ZNF560: variants seen among roughly 807,000 people sequenced by gnomAD.
ZNF560 encodes zinc finger protein 560.
In ZNF560, 54 loss-of-function variants were observed where a neutral mutation model predicts 81.8. The observed-to-expected ratio is 0.66, with a 90% CI of 0.53 to 0.83. ZNF560 has a LOEUF of 0.83. Ranked by LOEUF, ZNF560 falls within the 40% of genes least tolerant of loss-of-function variation. The pLI, the probability that ZNF560 is intolerant of heterozygous loss-of-function variation, is 0.00. For missense variants in ZNF560, 940 were observed against 932.4 expected (o/e 1.01, Z -0.11); for synonymous variants, 321 against 317.9 (o/e 1.01, Z -0.10).
At chr19:9,477,109 A>G (rs1461651685) in intron 2 of ZNF560, among the ~76,000 whole-genome samples, 4 of 152,304 alleles carry the variant, frequency 2.6e-5, no homozygotes, top group African/African-American at 7.2e-5. Context: ...TAGAAATAGT[A>G]TATGTTCTGT....
chr19:9,462,343 A>T (rs2112525), downstream of ZNF560, among the ~76,000 whole-genome samples: 15,495 of 152,282 alleles, frequency 0.1, 923 homozygotes, highest in South Asian at 0.2. Context: ...TGCCTTAATG[A>T]CATGCTCCTG....
intron 3 of ZNF560, 88 bp downstream of exon 3, chr19:9,475,196 G>C: frequency 7.1e-7 from 1 of 1,403,046 alleles, no homozygotes; most frequent in African/African-American, 1.4e-5. Flanking sequence ...ACTTAAAGAA[G>C]CTCTGGAGAC....
intron 2 of ZNF560, among the ~76,000 whole-genome samples, chr19:9,481,341 C>T (rs1170041195): frequency 6.6e-6 from 1 of 152,216 alleles, no homozygotes; most frequent in East Asian, 1.9e-4. Context: ...CTAGGCAATG[C>T]CATTCAGGAC....
At chr19:9,457,649 G>T in the ZNF560 span, among the ~76,000 whole-genome samples, 1 of 152,164 alleles carries the variant, frequency 6.6e-6, no homozygotes, top group Non-Finnish European at 1.5e-5. Context: ...ACGCAATTCA[G>T]ACTACTACTC....
rs764306225 is a variant in ZNF560, at chr19:9,467,745, T to C, written c.1202A>G (p.Glu401Gly). The C allele has an allele frequency of 1.2e-6, 2 of 1,614,196 alleles. No homozygotes were observed. Among genetic ancestry groups the C allele is most frequent in the South Asian group, 2.2e-5 (2 of 91,084 alleles). ...FLEHVRTHTG[E>G]KPYGCKECGK... ...ACATTCCTTACACCCATAGGGCTTC[T>C]CTCCAGTGTGAGTTCGTACATGTTC... is the stretch of plus-strand genomic sequence containing the variant. Residue 401 changes from glutamate (E) to glycine (G), a missense_variant, in exon 10 of 10, where the codon GAG becomes GGG. Glu to Gly is a moderately conservative substitution (Grantham distance 98). Transcript: ENST00000301480.
chr19:9,489,948 C>T (rs2073445318), intron 2 of ZNF560, among the ~76,000 whole-genome samples: 1 of 152,152 alleles, frequency 6.6e-6, no homozygotes, highest in Admixed American at 6.5e-5. Flanking sequence ...ACTTACTAGA[C>T]ATTTTGAATT....
chr19:9,494,906 A>C (rs1391160724), intron 2 of ZNF560, among the ~76,000 whole-genome samples: 2 of 149,924 alleles, frequency 1.3e-5, no homozygotes, highest in Non-Finnish European at 3.0e-5. Context: ...ACTCCGTCTC[A>C]AAAAAAAACA....
At chr19:9,491,004 T>C (rs1277632193) in intron 2 of ZNF560, among the ~76,000 whole-genome samples, 2 of 152,226 alleles carry the variant, frequency 1.3e-5, no homozygotes, top group Non-Finnish European at 2.9e-5. Context: ...ATTGAAAATA[T>C]TTTGTACATG....
chr19:9,466,403 G>A lies in ZNF560; in HGVS notation c.*171C>T, dbSNP rs1011161017. The A allele has an allele frequency of 5.1e-6, 3 of 588,598 alleles. No homozygotes were observed. The highest frequency in any genetic ancestry group is 3.7e-5 in the African/African-American group (2 of 53,386). 36.5% of individuals were successfully genotyped at this position (588,598 alleles called of 1,614,324 possible). ...TTCCTACATCCCTTACATTTACAGGGTTTCTCTACAGTGTGAGTTTGTACA... is the reference window on the plus strand; with the variant it reads ...TTCCTACATCCCTTACATTTACAGGATTTCTCTACAGTGTGAGTTTGTACA... On this transcript the variant is annotated 3_prime_UTR_variant, in exon 10 of 10. Transcript: ENST00000301480.
In ZNF560 at chr19:9,469,729, A is replaced by C; in HGVS notation, c.449-19T>G. The C allele has an allele frequency of 6.2e-7, 1 of 1,610,810 alleles. No homozygotes were observed. Among genetic ancestry groups the C allele is most frequent in the Non-Finnish European group, 8.5e-7 (1 of 1,177,102 alleles). ...TGGTAACCTGTACACAGGGAAAGAT[A>C]CACCAATGGAAGAGGCTCATGCAAG... On this transcript the variant is annotated intron_variant, in intron 7 of 9. Transcript: ENST00000301480.
the ZNF560 span, among the ~76,000 whole-genome samples, chr19:9,446,946 A>G: frequency 1.8e-4 from 27 of 152,152 alleles, 1 homozygote; most frequent in South Asian, 2.9e-3. Context: ...CAGCCTGGCC[A>G]ATATGGTGAA....
chr19:9,505,977 A>ACTTTCTTTCTTTCTTTCTTTCTTT, the ZNF560 span, among the ~76,000 whole-genome samples: 8 of 150,022 alleles, frequency 5.3e-5, no homozygotes, highest in Admixed American at 2.0e-4. Context: ...ATTCATATTT[A>ACTTTCTTTCTTTCTTTCTTTCTTT]CTTTCTTTCT....
At chr19:9,483,497 G>A (rs184120359) in intron 2 of ZNF560, among the ~76,000 whole-genome samples, 9,830 of 147,768 alleles carry the variant, frequency 0.067, 571 homozygotes, top group Non-Finnish European at 0.11. Context: ...TGGGGGGTCA[G>A]CCCCCGCCCG....
intron 4 of ZNF560, among the ~76,000 whole-genome samples, chr19:9,473,649 T>C (rs2073156612): frequency 6.6e-6 from 1 of 152,082 alleles, no homozygotes; most frequent in Admixed American, 6.6e-5. Context: ...CTATAGTTCT[T>C]AGAGAAAGCA....
Position 9,466,530 on chromosome 19 carries a change from C to T in ZNF560, c.*44G>A. The T allele has an allele frequency of 1.3e-6, 2 of 1,515,346 alleles. No individual in the cohort carries two copies. The highest frequency in any genetic ancestry group is 1.8e-6 in the Non-Finnish European group (2 of 1,128,400). The allele number at this position is 1,515,346 out of a possible 1,614,324, so 93.9% of individuals were successfully genotyped here. ...ACATGTTCAGTTAGGCTTGAGGAAA[C>T]AGCAAAGGTTTTTCCACATTCTTCA... On this transcript the variant is annotated 3_prime_UTR_variant, in exon 10 of 10. Coordinates refer to ENST00000301480, the MANE Select transcript of ZNF560 (RefSeq NM_152476.3).
chr19:9,463,083 C>T (rs565485382), downstream of ZNF560, among the ~76,000 whole-genome samples: 55 of 152,144 alleles, frequency 3.6e-4, no homozygotes, highest in African/African-American at 1.2e-3. Flanking sequence ...TATTTTCTGC[C>T]TAGACAAGAC....
At chr19:9,463,103 T>C (rs1043014730), downstream of ZNF560, among the ~76,000 whole-genome samples, 18 of 152,328 alleles carry the variant, frequency 1.2e-4, no homozygotes, top group African/African-American at 4.1e-4. Context: ...CATAAATGAC[T>C]GAAGGTTACA....
At position 9,467,451 on chromosome 19, in the gene ZNF560, GAAAC is replaced by G; in HGVS notation, c.1492_1495del (p.Val498LeufsTer9). On this transcript the variant is annotated frameshift_variant, in exon 10 of 10. Transcript: ENST00000301480. LOFTEE classifies it high-confidence loss of function. ...CAAATGAGCAAAAAGAGATGAGAAA[GAAAC>G]AAAGACTTTCCCACACTGGTCACAA... 1.2e-6 allele frequency: 2 copies of G among 1,613,796 alleles called. No homozygotes were observed. Among genetic ancestry groups the G allele is most frequent in the Non-Finnish European group, 1.7e-6 (2 of 1,179,916 alleles).
chr19:9,466,143 G>A (rs2073011158), downstream of ZNF560, among the ~76,000 whole-genome samples: 1 of 151,922 alleles, frequency 6.6e-6, no homozygotes, highest in Admixed American at 6.6e-5. Context: ...TCAGGAGTTT[G>A]AGACTAGCTT....
Sources: gnomAD v4.1 joint callset for allele counts (sites outside exome capture counted in the v4.1 genomes callset) on GRCh38, gnomAD v4.1.1 for gene constraint, MANE v1.5 for transcripts, NCBI Gene and HGNC (gene_info 2026-07-23, HGNC 2026-07-21) for gene names.